The following TSBP1 variants were observed in gnomAD, a reference collection of about 807,000 sequenced individuals.
TSBP1 encodes the protein testis expressed basic protein 1.
Under a neutral mutation model 68.8 loss-of-function variants are expected in TSBP1, and 56 were observed. The ratio of observed to expected loss-of-function variants is 0.81; its 90% CI spans 0.66 to 1.02. The LOEUF (loss-of-function observed/expected upper bound fraction) is 1.02, where lower values mean the gene tolerates loss of function less well. TSBP1 is among the 50% of genes least tolerant of loss of function. The pLI is 0.00. For missense variants in TSBP1, 502 were observed against 641.2 expected, an observed-to-expected ratio of 0.78 and a Z score of 2.34; for synonymous variants, 171 against 208.7, an observed-to-expected ratio of 0.82 and a Z score of 1.56.
intron 21 of TSBP1, 40 bp from the exon 25 acceptor site, chr6:32,299,976 C>G: frequency 1.3e-6 from 2 of 1,585,518 alleles, no homozygotes; most frequent in Non-Finnish European, 1.7e-6. Context: ...TGAGGATTTT[C>G]TAACTCAAGA....
chr6:32,365,942 G>A lies in TSBP1; in HGVS notation c.217+225C>T, dbSNP rs1361677181. On this transcript the variant is annotated intron_variant, in intron 6 of 22. Transcript: ENST00000612031. The surrounding 1 kb of genome is among the most constrained non-coding windows in gnomAD (Gnocchi z 4.3). The stretch of plus-strand genomic sequence containing the variant: ...GATGCCTTTCTCTCATATTACTTTT[G>A]TTAAATAATTAGGAGTTGGATAGGA... The A allele has an allele frequency of 1.5e-6, 1 of 669,268 alleles. No homozygotes were observed. Among genetic ancestry groups the A allele is most frequent in the Non-Finnish European group, 2.7e-6 (1 of 370,532 alleles). 41.5% of individuals were successfully genotyped at this position (669,268 alleles called of 1,614,324 possible). A position where few individuals can be genotyped will look rare whatever the true frequency, so the allele number is the denominator to read the frequency against.
chr6:32,301,966 ATC>A (rs9279564), intron 20 of TSBP1, among the ~76,000 whole-genome samples: 13,437 of 84,658 alleles, frequency 0.16, 792 homozygotes, highest in Admixed American at 0.2. Context: ...TGAAATCATC[ATC>A]ATAATAATAA....
Position 32,325,132 on chromosome 6 carries a change from A to G in TSBP1, c.515-1518T>C, listed in dbSNP as rs1184348841. The G allele has an allele frequency of 4.2e-6, 2 of 481,718 alleles. No homozygotes were observed. The highest frequency in any genetic ancestry group is 3.9e-5 in the African/African-American group (2 of 50,634). The allele number at this position is 481,718 out of a possible 1,614,324, so 29.8% of individuals were successfully genotyped here. ...TTTTATGCGAGTCAGTGAATGTTCT[A>G]GAAACTTATTAATAATTTATTTATG... On this transcript the variant is annotated intron_variant, in intron 16 of 22. Coordinates refer to ENST00000612031, the Ensembl canonical transcript of TSBP1. This position sits in a 1 kb window ranked among gnomAD's most constrained non-coding sequence, Gnocchi z 4.4.
At chr6:32,303,312 G>A (rs1387065944) in intron 19 of TSBP1, among the ~76,000 whole-genome samples, 1 of 129,096 alleles carries the variant, frequency 7.7e-6, no homozygotes, top group East Asian at 2.2e-4. Flanking sequence ...GTTCTAGTAC[G>A]TGTTTTTTTT....
In TSBP1 at chr6:32,293,955, C is replaced by CA. The variant is rs776274937; in HGVS notation, c.717dup (p.Ala240CysfsTer6). The CA allele has an allele frequency of 2.5e-6, 4 of 1,612,572 alleles. No individual in the cohort carries two copies. The highest frequency in any genetic ancestry group is 2.2e-5 in the South Asian group (2 of 90,950). Reference sequence around the variant, plus strand: ...TCTTCTCGGCTATTCTGAGACCTTGCAGTGCCTCCACATTTTAGAATCTGG... The same window carrying CA: ...TCTTCTCGGCTATTCTGAGACCTTGCAAGTGCCTCCACATTTTAGAATCTGG... On this transcript the variant is annotated frameshift_variant, in exon 23 of 23. Transcript: ENST00000612031. LOFTEE classifies it low-confidence loss of function (END_TRUNC).
chr6:32,330,638 A>ACC, intron 15 of TSBP1, 29 bp from the exon 17 acceptor site: 1 of 758,300 alleles, frequency 1.3e-6, no homozygotes, highest in Non-Finnish European at 1.8e-6. Context: ...CAAATTAAAC[A>ACC]CACACACACA....
intron 22 of TSBP1, 62 bp from the exon 26 acceptor site, chr6:32,294,097 T>C (rs1415829983): frequency 6.3e-7 from 1 of 1,585,428 alleles, no homozygotes; most frequent in Non-Finnish European, 8.5e-7. Context: ...TTTCTATTTT[T>C]TTCCCCTTGA....
intron 1 of TSBP1, among the ~76,000 whole-genome samples, chr6:32,370,633 C>T (rs1035445024): frequency 1.3e-5 from 2 of 151,778 alleles, no homozygotes; most frequent in African/African-American, 4.8e-5. Flanking sequence ...CCATCACTTG[C>T]CAACCTCCTG....
chr6:32,371,013 T>C (rs1002717954), intron 1 of TSBP1, among the ~76,000 whole-genome samples: 2 of 152,184 alleles, frequency 1.3e-5, no homozygotes, highest in African/African-American at 2.4e-5. Context: ...CATCTCAAGA[T>C]ATAATAACAC....
chr6:32,362,359 G>A (rs1440945749), intron 6 of TSBP1, among the ~76,000 whole-genome samples: 2 of 151,166 alleles, frequency 1.3e-5, no homozygotes, highest in African/African-American at 4.9e-5. Flanking sequence ...GTTATGCCCT[G>A]TACCACTTCA....
exon 3 of TSBP1, chr6:32,368,805 A>T (rs1282310847): frequency 6.3e-7 from 1 of 1,588,894 alleles, no homozygotes; most frequent in South Asian, 1.1e-5. Context: ...GTATCTGGAG[A>T]TATACATTTC....
At chr6:32,322,993 A>C in intron 18 of TSBP1, 124 bp downstream of exon 19, 1 of 677,748 alleles carries the variant, frequency 1.5e-6, no homozygotes, top group Non-Finnish European at 2.5e-6. Flanking sequence ...TATTTTAAAA[A>C]AATTATAGGG....
At position 32,315,264 on chromosome 6, in the gene TSBP1, T is replaced by C. The variant is rs2127580248; in HGVS notation, c.580+508A>G. ...TATGTGTTACCTTGGAAGTTGGGTT[T>C]AGAACTAAAATAATGGGGCTGGGCG... On this transcript the variant is annotated intron_variant, in intron 19 of 22. Transcript: ENST00000612031. This position sits in a 1 kb window ranked among gnomAD's most constrained non-coding sequence, Gnocchi z 5.4. 6.6e-6 allele frequency among the ~76,000 whole-genome samples: 1 copy of C among 152,228 alleles called. No homozygotes were observed. The highest frequency in any genetic ancestry group is 2.4e-5 in the African/African-American group (1 of 41,532).
At chr6:32,296,243 G>T (rs574704921) in intron 22 of TSBP1, among the ~76,000 whole-genome samples, 7,006 of 152,156 alleles carry the variant, frequency 0.046, 361 homozygotes, top group African/African-American at 0.13. Context: ...CATAACTTCA[G>T]AATTTTATCA....
chr6:32,368,610 C>T (rs1034139399), intron 3 of TSBP1, among the ~76,000 whole-genome samples, 172 bp downstream of exon 3: 1 of 152,186 alleles, frequency 6.6e-6, no homozygotes, highest in African/African-American at 2.4e-5. Context: ...TTCAGTACTG[C>T]TCAGAAATCT....
At chr6:32,367,265 A>AGAGAGAGAGAGAGAGAGAGAGAGAGAGAG (rs9281758) in intron 4 of TSBP1, among the ~76,000 whole-genome samples, 8 of 117,814 alleles carry the variant, frequency 6.8e-5, no homozygotes, top group South Asian at 3.0e-4. Context: ...GAGAGAGAGA[A>AGAGAGAGAGAGAGAGAGAGAGAGAGAGAG]AGAGAGAGAG....
intron 22 of TSBP1, among the ~76,000 whole-genome samples, chr6:32,295,351 A>AC (rs773829841): frequency 0.068 from 6,214 of 92,010 alleles, 208 homozygotes; most frequent in African/African-American, 0.2. Context: ...CACACACACA[A>AC]AAAAAAAAAA....
intron 6 of TSBP1, among the ~76,000 whole-genome samples, chr6:32,364,220 A>G (rs759804507): frequency 6.6e-6 from 1 of 152,158 alleles, no homozygotes; most frequent in Non-Finnish European, 1.5e-5. Flanking sequence ...ATACAATTGG[A>G]GAGTTTTGAG....
chr6:32,364,675 C>T (rs1232860470), intron 6 of TSBP1, among the ~76,000 whole-genome samples: 1 of 151,824 alleles, frequency 6.6e-6, no homozygotes, highest in Non-Finnish European at 1.5e-5. Context: ...GCTCACTGAG[C>T]TTTCTTATAA....
Sources: gnomAD v4.1 joint callset for allele counts (sites outside exome capture counted in the v4.1 genomes callset) on GRCh38, gnomAD v4.1.1 for gene constraint, Gnocchi (gnomAD v3.1) non-coding constraint, MANE v1.5 for transcripts, NCBI Gene and HGNC (gene_info 2026-07-23, HGNC 2026-07-21) for gene names.